The following SARNP variants were observed in gnomAD, a reference collection of about 807,000 sequenced individuals.
SARNP encodes the protein SAP domain containing ribonucleoprotein.
A neutral mutation model predicts 38.1 loss-of-function variants in SARNP; 5 were observed. The ratio of observed to expected loss-of-function variants is 0.13; its 90% CI spans 0.07 to 0.28. The LOEUF is 0.28. SARNP is among the 10% of genes least tolerant of loss of function. The pLI is 1.00. For missense variants in SARNP, 180 were observed against 243.9 expected, an observed-to-expected ratio of 0.74 and a Z score of 1.75; for synonymous variants, 84 against 80.6, an observed-to-expected ratio of 1.04 and a Z score of -0.23.
intron 9 of SARNP, among the ~76,000 whole-genome samples, chr12:55,774,575 C>CAAAAAAAAAAAAAAAAAAAAAA (rs1187594580): frequency 2.4e-5 from 1 of 41,206 alleles, no homozygotes; most frequent in African/African-American, 1.3e-4. Flanking sequence ...AAAAAAAAAA[C>CAAAAAAAAAAAAAAAAAAAAAA]AAACAAAAAA....
At chr12:55,792,085 T>C (rs1879687181) in intron 7 of SARNP, among the ~76,000 whole-genome samples, 3 of 152,148 alleles carry the variant, frequency 2.0e-5, no homozygotes, top group Admixed American at 1.3e-4. Flanking sequence ...AGTGAAACCC[T>C]GTCTCTTAAA....
At chr12:55,816,712 T>C (rs1880497546) in intron 1 of SARNP, among the ~76,000 whole-genome samples, 4 of 152,198 alleles carry the variant, frequency 2.6e-5, no homozygotes. Flanking sequence ...AAACAGACAA[T>C]TACTCAAGAT....
intron 9 of SARNP, among the ~76,000 whole-genome samples, chr12:55,784,226 C>T (rs897276981): frequency 2.0e-5 from 3 of 152,178 alleles, no homozygotes; most frequent in African/African-American, 7.2e-5. Context: ...AATTAAACAA[C>T]CTAAAGACAA....
In SARNP at chr12:55,817,672, C is replaced by G; in HGVS notation, c.30G>C (p.Lys10Asn). 1 of 1,612,946 alleles carries G rather than the reference C, an allele frequency of 6.2e-7. No homozygotes were observed. Among genetic ancestry groups the G allele is most frequent in the East Asian group, 2.2e-5 (1 of 44,744 alleles). Residue 10 changes from lysine (K) to asparagine (N), a missense_variant, in exon 1 of 11, where the codon AAG becomes AAC. Transcript: ENST00000336133. MATETVELH[K>N]LKLAELKQEC... ...CTTCCCCGATTCACGGTACCTTTAG[C>G]TTATGGAGCTCCACCGTCTCGGTCG...
intron 7 of SARNP, chr12:55,792,752 A>C (rs1879711078): frequency 6.6e-6 from 1 of 151,950 alleles, no homozygotes; most frequent in Non-Finnish European, 1.5e-5. Context: ...TGGCAAGATC[A>C]CACTCACTGC....
In SARNP at chr12:55,789,195, C is replaced by CA. The variant is rs769326025; in HGVS notation, c.433-53dup. 3.2e-6 allele frequency: 4 copies of CA among 1,256,968 alleles called. No individual in the cohort carries two copies. The East Asian group carries it at 9.5e-5, about 30-fold the overall frequency. The allele number at this position is 1,256,968 out of a possible 1,614,324, so 77.9% of individuals were successfully genotyped here. ...AGTTTTAAAAAATCAAAACGGAAAACAAAAAATGCAGAAACTATAGTATGA... is the reference window on the plus strand; with the variant it reads ...AGTTTTAAAAAATCAAAACGGAAAACAAAAAAATGCAGAAACTATAGTATGA... On this transcript the variant is annotated intron_variant, in intron 8 of 10. Transcript: ENST00000336133.
At chr12:55,755,656 A>G (rs1389293213), downstream of SARNP, 1 of 152,224 alleles carries the variant, frequency 6.6e-6, no homozygotes, top group Non-Finnish European at 1.5e-5. Flanking sequence ...GGCATCCTGA[A>G]CTATTCATGC....
chr12:55,812,019 T>C (rs528150683), intron 1 of SARNP, among the ~76,000 whole-genome samples: 1 of 152,184 alleles, frequency 6.6e-6, no homozygotes, highest in Non-Finnish European at 1.5e-5. Context: ...AGTCAGAACA[T>C]GTCACTCCTC....
intron 9 of SARNP, among the ~76,000 whole-genome samples, chr12:55,777,956 A>C (rs959146300): frequency 2.6e-5 from 4 of 152,156 alleles, no homozygotes; most frequent in African/African-American, 9.7e-5. Context: ...TGGCACACAT[A>C]ATTGACATCA....
downstream of SARNP, chr12:55,756,724 G>A (rs1878516608): frequency 6.6e-6 from 1 of 152,188 alleles, no homozygotes; most frequent in Non-Finnish European, 1.5e-5. Flanking sequence ...AGCTAACAAT[G>A]CGTAACAGCT....
chr12:55,816,486 G>C (rs1408298288), intron 1 of SARNP, among the ~76,000 whole-genome samples: 1 of 152,012 alleles, frequency 6.6e-6, no homozygotes, highest in Non-Finnish European at 1.5e-5. Context: ...GAATCCAAGA[G>C]TAAGAAAAAC....
chr12:55,790,906 A>G (rs1879648103), intron 7 of SARNP, among the ~76,000 whole-genome samples: 1 of 152,274 alleles, frequency 6.6e-6, no homozygotes, highest in South Asian at 2.1e-4. Flanking sequence ...ATAAATGTTC[A>G]CAGCAGCATT....
At chr12:55,761,795 C>T (rs1430802326) in intron 9 of SARNP, 1 of 152,204 alleles carries the variant, frequency 6.6e-6, no homozygotes, top group African/African-American at 2.4e-5. Context: ...GATTAGAAAA[C>T]ATCTGAAATC....
chr12:55,801,040 T>A, intron 2 of SARNP, 140 bp from the exon 3 acceptor site: 2 of 695,302 alleles, frequency 2.9e-6, no homozygotes, highest in South Asian at 3.3e-5. Context: ...TAAAATCTGC[T>A]ACATCTGGAG....
intron 1 of SARNP, among the ~76,000 whole-genome samples, chr12:55,807,264 G>C (rs1592581923): frequency 6.6e-6 from 1 of 152,144 alleles, no homozygotes; most frequent in African/African-American, 2.4e-5. Flanking sequence ...CTTACACTCG[G>C]TTTTTGTATT....
chr12:55,767,802 G>A (rs1402135050), intron 9 of SARNP, among the ~76,000 whole-genome samples: 2 of 141,606 alleles, frequency 1.4e-5, no homozygotes, highest in Non-Finnish European at 3.0e-5. Context: ...AGCCGAGATC[G>A]CGCCACTGCA....
At chr12:55,787,940 G>A (rs1183011888) in intron 9 of SARNP, among the ~76,000 whole-genome samples, 1 of 151,668 alleles carries the variant, frequency 6.6e-6, no homozygotes, top group East Asian at 1.9e-4. Context: ...TAGTAGAGAC[G>A]GGGTTTCACC....
Position 55,764,735 on chromosome 12 carries a change from G to A in SARNP, c.502-4095C>T, listed in dbSNP as rs576136000. Among the ~76,000 whole-genome samples, 177 of 150,312 alleles carry A rather than the reference G, an allele frequency of 1.2e-3. 2 individuals carry two copies. The highest frequency in any genetic ancestry group is 1.0e-3 in the Non-Finnish European group (69 of 67,764). On this transcript the variant is annotated intron_variant, in intron 9 of 10. Coordinates refer to ENST00000336133, the MANE Select transcript of SARNP (RefSeq NM_033082.4). ...TAGTAGTCCCTACTCGGGAAGCTGA[G>A]GCAGGAGAATCACTTGAACCCGAGA...
chr12:55,771,178 G>A (rs1014901276), intron 9 of SARNP, among the ~76,000 whole-genome samples: 2 of 151,904 alleles, frequency 1.3e-5, no homozygotes, highest in African/African-American at 4.8e-5. Context: ...GGCTGGTCTC[G>A]AACTCCTGAC....
Sources: gnomAD v4.1 joint callset for allele counts (sites outside exome capture counted in the v4.1 genomes callset) on GRCh38, gnomAD v4.1.1 for gene constraint, MANE v1.5 for transcripts, NCBI Gene and HGNC (gene_info 2026-07-23, HGNC 2026-07-21) for gene names.